The following TPTE variants were observed in gnomAD, a reference collection of about 807,000 sequenced individuals.
The protein encoded by TPTE is transmembrane phosphatase with tensin homology.
A neutral mutation model predicts 84.1 loss-of-function variants in TPTE; 59 were observed. The observed-to-expected ratio is 0.70, with a 90% CI of 0.57 to 0.87. TPTE has a LOEUF of 0.87. TPTE is among the 40% of genes least tolerant of loss of function. The pLI, the probability that TPTE is intolerant of heterozygous loss-of-function variation, is 0.00. For synonymous variants in TPTE, 130 were observed against 223.5 expected, an observed-to-expected ratio of 0.58 and a Z score of 3.73; for missense variants, 382 against 659.6, an observed-to-expected ratio of 0.58 and a Z score of 4.61.
intron 18 of TPTE, among the ~76,000 whole-genome samples, chr21:10,591,509 G>C (rs1414255357): frequency 1.3e-5 from 2 of 152,304 alleles, no homozygotes; most frequent in Admixed American, 1.3e-4. Flanking sequence ...AATGAATAGA[G>C]CAGAATAGAA....
intron 14 of TPTE, among the ~76,000 whole-genome samples, chr21:10,571,154 T>A (rs1214285979): frequency 1.3e-5 from 2 of 152,310 alleles, no homozygotes; most frequent in African/African-American, 4.8e-5. Context: ...GCCTGAGAAC[T>A]AATCTGAATG....
chr21:10,600,339 G>C (rs212139), intron 21 of TPTE, among the ~76,000 whole-genome samples: 1 of 152,270 alleles, frequency 6.6e-6, no homozygotes, highest in South Asian at 2.1e-4. Flanking sequence ...GGGTTTCTCC[G>C]TGTTGGTCAG....
chr21:10,523,829 G>T (rs1281060234), intron 1 of TPTE, among the ~76,000 whole-genome samples: 2 of 152,304 alleles, frequency 1.3e-5, no homozygotes, highest in East Asian at 3.8e-4. Flanking sequence ...GGGATGGCTG[G>T]GTCAAATGGT....
At chr21:10,593,393 G>T (rs1378765079) in intron 19 of TPTE, among the ~76,000 whole-genome samples, 1 of 152,300 alleles carries the variant, frequency 6.6e-6, no homozygotes, top group Non-Finnish European at 1.5e-5. Flanking sequence ...AATTTAGTTT[G>T]TTTAATCAGA....
At chr21:10,542,667 G>A (rs1309186736) in intron 6 of TPTE, among the ~76,000 whole-genome samples, 2 of 152,420 alleles carry the variant, frequency 1.3e-5, no homozygotes, top group South Asian at 4.1e-4. Context: ...TGCACATGAT[G>A]GAAACATAGA....
At chr21:10,552,118 A>G (rs1424229810) in intron 7 of TPTE, among the ~76,000 whole-genome samples, 2 of 152,310 alleles carry the variant, frequency 1.3e-5, no homozygotes, top group African/African-American at 4.8e-5. Context: ...GCAAAAGGTG[A>G]TCATTAGCAT....
intron 7 of TPTE, among the ~76,000 whole-genome samples, chr21:10,551,539 ACAAAC>A (rs1295308425): frequency 1.9e-4 from 29 of 152,408 alleles, no homozygotes; most frequent in Admixed American, 1.9e-3. Flanking sequence ...AATAGTAAGA[ACAAAC>A]CAAACCCCAA....
chr21:10,594,446 G>GT (rs1177663588), intron 19 of TPTE, among the ~76,000 whole-genome samples: 1 of 152,310 alleles, frequency 6.6e-6, no homozygotes, highest in African/African-American at 2.4e-5. Context: ...TTCTCATAAT[G>GT]TTTTCTTTGT....
chr21:10,602,939 T>C (rs1209256573), intron 22 of TPTE, among the ~76,000 whole-genome samples: 2 of 152,312 alleles, frequency 1.3e-5, no homozygotes, highest in Non-Finnish European at 2.9e-5. Context: ...CAGCTATGAG[T>C]CTCTGCTGTG....
At chr21:10,525,160 CATT>C (rs2074056397) in intron 2 of TPTE, among the ~76,000 whole-genome samples, 1 of 152,308 alleles carries the variant, frequency 6.6e-6, no homozygotes, top group African/African-American at 2.4e-5. Flanking sequence ...ACACCTGAAA[CATT>C]GTTAATTATT....
intron 19 of TPTE, among the ~76,000 whole-genome samples, chr21:10,592,963 C>T (rs2075512766): frequency 6.6e-6 from 1 of 152,254 alleles, no homozygotes; most frequent in African/African-American, 2.4e-5. Flanking sequence ...CCCATAACAC[C>T]TGTATGAAAT....
At chr21:10,576,337 C>CCA (rs1356970207) in intron 14 of TPTE, 2 of 242,332 alleles carry the variant, frequency 8.3e-6, no homozygotes, top group Non-Finnish European at 1.7e-5. Flanking sequence ...AGAAGTGTGC[C>CCA]CAGTGCCACA....
intron 17 of TPTE, among the ~76,000 whole-genome samples, chr21:10,585,180 A>G (rs373289776): frequency 1.3e-5 from 2 of 152,418 alleles, no homozygotes; most frequent in Non-Finnish European, 2.9e-5. Flanking sequence ...CAGTGAGCCA[A>G]GATCGCACCA....
chr21:10,570,404 T>C, intron 13 of TPTE, 81 bp from the exon 14 acceptor site: 1 of 1,603,036 alleles, frequency 6.2e-7, no homozygotes, highest in Non-Finnish European at 8.5e-7. Context: ...AAATGGAATC[T>C]GATCATGTAT....
intron 17 of TPTE, among the ~76,000 whole-genome samples, chr21:10,585,519 A>C (rs2075348477): frequency 6.6e-6 from 1 of 152,312 alleles, no homozygotes; most frequent in East Asian, 1.9e-4. Context: ...TCTGTCCGTT[A>C]ATATTTTGTT....
At chr21:10,549,081 C>T (rs1343725766) in intron 7 of TPTE, among the ~76,000 whole-genome samples, 3 of 152,310 alleles carry the variant, frequency 2.0e-5, no homozygotes, top group African/African-American at 7.2e-5. Flanking sequence ...ACTTCCTTAA[C>T]CTAGGCCACT....
At chr21:10,530,634 T>C (rs1279188831) in intron 3 of TPTE, among the ~76,000 whole-genome samples, 1 of 152,310 alleles carries the variant, frequency 6.6e-6, no homozygotes, top group Admixed American at 6.5e-5. Flanking sequence ...ATTATCCTTA[T>C]GCCAGACCCC....
At chr21:10,537,665 G>A (rs240448) in intron 3 of TPTE, among the ~76,000 whole-genome samples, 19,820 of 139,900 alleles carry the variant, frequency 0.14, no homozygotes, top group Middle Eastern at 0.16. Flanking sequence ...GCAACAGAGC[G>A]AGACTCCCCC....
intron 7 of TPTE, among the ~76,000 whole-genome samples, chr21:10,551,101 A>T: frequency 6.6e-6 from 1 of 152,312 alleles, no homozygotes; most frequent in South Asian, 2.1e-4. Flanking sequence ...CAGCAAAAGC[A>T]GTTATTAAGA....
Sources: gnomAD v4.1 joint callset for allele counts (sites outside exome capture counted in the v4.1 genomes callset) on GRCh38, gnomAD v4.1.1 for gene constraint, MANE v1.5 for transcripts, NCBI Gene and HGNC (gene_info 2026-07-23, HGNC 2026-07-21) for gene names.